SLC2A9: variants seen among roughly 807,000 people sequenced by gnomAD.
SLC2A9 encodes the protein solute carrier family 2 member 9.
In SLC2A9, 39 loss-of-function variants were observed where a neutral mutation model predicts 50.6. The observed-to-expected ratio is 0.77, with a 90% CI of 0.60 to 1.01. SLC2A9 has a LOEUF of 1.01. Ranked by LOEUF, SLC2A9 falls within the 50% of genes least tolerant of loss-of-function variation. The pLI is 0.00. For synonymous variants in SLC2A9, 324 were observed against 276.9 expected (o/e 1.17, Z -1.69); for missense variants, 686 against 677.6 (o/e 1.01, Z -0.14).
At chr4:9,902,468 G>A (rs1276026380) in intron 8 of SLC2A9, among the ~76,000 whole-genome samples, 2 of 152,222 alleles carry the variant, frequency 1.3e-5, no homozygotes, top group African/African-American at 4.8e-5. Context: ...AATAACAAGA[G>A]TAACTGCGTG....
intron 6 of SLC2A9, among the ~76,000 whole-genome samples, chr4:9,924,311 C>T (rs1332128175): frequency 1.3e-5 from 2 of 152,214 alleles, no homozygotes; most frequent in Admixed American, 6.5e-5. Context: ...CGTGCCTCTC[C>T]GCCTGCGGCT....
chr4:9,810,747 C>T (rs1019513564), intron 3 of SLC2A9, among the ~76,000 whole-genome samples: 3 of 152,154 alleles, frequency 2.0e-5, no homozygotes, highest in Non-Finnish European at 2.9e-5. Context: ...CCATTTCTGG[C>T]GGTTGGCTTG....
upstream of SLC2A9, among the ~76,000 whole-genome samples, chr4:10,023,174 G>A (rs1417023994): frequency 6.6e-6 from 1 of 152,232 alleles, no homozygotes; most frequent in Non-Finnish European, 1.5e-5. Flanking sequence ...GGACAGAGAA[G>A]GATACGGGGT....
At chr4:9,954,594 G>A (rs1315499908) in intron 5 of SLC2A9, among the ~76,000 whole-genome samples, 1 of 152,184 alleles carries the variant, frequency 6.6e-6, no homozygotes, top group Non-Finnish European at 1.5e-5. Flanking sequence ...ATCTGGGTGT[G>A]GTAGCGGCCC....
At chr4:9,889,100 G>C (rs1736837348) in intron 9 of SLC2A9, among the ~76,000 whole-genome samples, 1 of 152,174 alleles carries the variant, frequency 6.6e-6, no homozygotes, top group South Asian at 2.1e-4. Flanking sequence ...GATCTCACAG[G>C]GTTCCCCCTT....
At chr4:9,782,438 G>A (rs1313638794) in intron 3 of SLC2A9, 1 of 1,613,992 alleles carries the variant, frequency 6.2e-7, no homozygotes. Context: ...CATCAGCGTG[G>A]ACCGCTACTG....
chr4:9,959,505 T>C (rs1386541014), intron 5 of SLC2A9, among the ~76,000 whole-genome samples: 1 of 152,064 alleles, frequency 6.6e-6, no homozygotes, highest in African/African-American at 2.4e-5. Flanking sequence ...CTATCATCAA[T>C]TATTTTAAAA....
chr4:9,978,561 T>C (rs1419509114), intron 5 of SLC2A9, among the ~76,000 whole-genome samples: 3 of 152,250 alleles, frequency 2.0e-5, no homozygotes, highest in African/African-American at 7.2e-5. Context: ...GGTGGTTATT[T>C]TGAGAATTTT....
At chr4:9,843,125 CA>C (rs1484002000) in intron 10 of SLC2A9, among the ~76,000 whole-genome samples, 3 of 152,084 alleles carry the variant, frequency 2.0e-5, no homozygotes, top group African/African-American at 7.2e-5. Flanking sequence ...TGGCCTGCCA[CA>C]ATGTGGGCTG....
chr4:10,020,778 T>G (rs1480242849), intron 1 of SLC2A9, among the ~76,000 whole-genome samples: 1 of 152,174 alleles, frequency 6.6e-6, no homozygotes, highest in South Asian at 2.1e-4. Context: ...CCCATCAGAT[T>G]GGGAGCACCT....
chr4:9,933,400 A>G (rs1315983446), intron 6 of SLC2A9, among the ~76,000 whole-genome samples: 1 of 152,136 alleles, frequency 6.6e-6, no homozygotes, highest in East Asian at 1.9e-4. Context: ...CACGGGCTCC[A>G]GGGTGACTCT....
At chr4:9,812,913 A>ATT in intron 3 of SLC2A9, among the ~76,000 whole-genome samples, 1 of 152,312 alleles carries the variant, frequency 6.6e-6, no homozygotes, top group African/African-American at 2.4e-5. Flanking sequence ...AGGGGAAGTG[A>ATT]TTTTGATAAG....
At chr4:9,929,989 C>G (rs987314083) in intron 6 of SLC2A9, among the ~76,000 whole-genome samples, 1 of 152,190 alleles carries the variant, frequency 6.6e-6, no homozygotes, top group Non-Finnish European at 1.5e-5. Context: ...CCTCCAAAGA[C>G]CATCACTCTG....
At chr4:9,839,605 G>C (rs565549347) in intron 10 of SLC2A9, among the ~76,000 whole-genome samples, 4 of 152,062 alleles carry the variant, frequency 2.6e-5, no homozygotes, top group Non-Finnish European at 5.9e-5. Flanking sequence ...ACTGGATAAA[G>C]AAAATGTGGT....
intron 5 of SLC2A9, among the ~76,000 whole-genome samples, chr4:9,973,030 A>G (rs1474042368): frequency 2.0e-5 from 3 of 152,228 alleles, no homozygotes; most frequent in Non-Finnish European, 4.4e-5. Flanking sequence ...TGAAAGGATA[A>G]ATGAGATTAA....
chr4:9,819,102 G>C (rs548718037), intron 3 of SLC2A9, among the ~76,000 whole-genome samples: 23 of 127,620 alleles, frequency 1.8e-4, no homozygotes, highest in African/African-American at 7.2e-4. Context: ...CTGGGCAACA[G>C]AGCGAGACTG....
At chr4:9,823,574 GAAACA>G (rs1724700548), downstream of SLC2A9, among the ~76,000 whole-genome samples, 4 of 152,182 alleles carry the variant, frequency 2.6e-5, no homozygotes, top group Admixed American at 2.6e-4. Context: ...GTTCTGTACT[GAAACA>G]CAGCTATTCC....
intron 2 of SLC2A9, among the ~76,000 whole-genome samples, chr4:10,013,124 C>A (rs1179520838): frequency 1.3e-5 from 2 of 152,178 alleles, no homozygotes; most frequent in African/African-American, 2.4e-5. Context: ...TGATTTTCAA[C>A]AGCTAAGGAC....
At chr4:9,844,978 T>C (rs1393266008) in intron 10 of SLC2A9, among the ~76,000 whole-genome samples, 1 of 152,218 alleles carries the variant, frequency 6.6e-6, no homozygotes, top group Non-Finnish European at 1.5e-5. Context: ...CTCCCTCCTC[T>C]CTATTTTCTA....
Sources: allele counts gnomAD v4.1 joint callset (sites outside exome capture counted in the v4.1 genomes callset), GRCh38; gene constraint gnomAD v4.1.1; transcripts MANE v1.5; gene names NCBI Gene and HGNC (gene_info 2026-07-23, HGNC 2026-07-21).